Variants in GATAD2A observed in about 807,000 individuals in gnomAD.
The protein encoded by GATAD2A is GATA zinc finger domain containing 2A, also known as transcriptional repressor p66-alpha.
GATAD2A carries 12 observed loss-of-function variants against 68.5 expected under a neutral mutation model. That is an observed-to-expected ratio of 0.18 (90% CI 0.11 to 0.28). GATAD2A has a LOEUF of 0.28. Ranked by LOEUF, GATAD2A falls within the 10% of genes least tolerant of loss-of-function variation. GATAD2A has a pLI of 1.00. For missense variants in GATAD2A, 755 were observed against 868.5 expected (o/e 0.87, Z 1.64); for synonymous variants, 410 against 375.3 (o/e 1.09, Z -1.07).
chr19:19,396,678 C>T (rs1045106413), intron 1 of GATAD2A, among the ~76,000 whole-genome samples: 17 of 152,074 alleles, frequency 1.1e-4, no homozygotes, highest in Admixed American at 9.8e-4. Flanking sequence ...CCACTGTGCG[C>T]GACCTGTTTG....
At chr19:19,430,032 T>C (rs868622828) in intron 1 of GATAD2A, among the ~76,000 whole-genome samples, 7 of 152,214 alleles carry the variant, frequency 4.6e-5, no homozygotes, top group Middle Eastern at 3.4e-3. Context: ...GAGTAGCTCA[T>C]TGGGCAGTTT....
chr19:19,422,786 A>G (rs971284181), intron 1 of GATAD2A, among the ~76,000 whole-genome samples: 3 of 149,640 alleles, frequency 2.0e-5, no homozygotes, highest in Non-Finnish European at 4.4e-5. Context: ...ATCTTGGCTC[A>G]CTGCAAGCTC....
intron 1 of GATAD2A, among the ~76,000 whole-genome samples, chr19:19,448,712 A>C (rs1326753086): frequency 6.6e-6 from 1 of 152,050 alleles, no homozygotes; most frequent in Non-Finnish European, 1.5e-5. Context: ...CTGGTCTTGA[A>C]GTCCTGATCT....
chr19:19,465,102 C>G, intron 1 of GATAD2A: 1 of 583,386 alleles, frequency 1.7e-6, no homozygotes, highest in South Asian at 2.0e-5. Context: ...TGTAGTTTGG[C>G]TCCACCAATG....
chr19:19,474,709 G>A (rs993116133), intron 2 of GATAD2A, among the ~76,000 whole-genome samples: 3 of 152,224 alleles, frequency 2.0e-5, no homozygotes, highest in South Asian at 4.1e-4. Flanking sequence ...TAAACACTCA[G>A]GTTAAACTGC....
At chr19:19,441,898 G>A (rs945415550) in intron 1 of GATAD2A, among the ~76,000 whole-genome samples, 4 of 151,044 alleles carry the variant, frequency 2.6e-5, no homozygotes, top group Admixed American at 6.6e-5. Flanking sequence ...TTTCACTCTT[G>A]TTGCGCAGGC....
At chr19:19,490,956 A>T (rs2059753938) in intron 2 of GATAD2A, among the ~76,000 whole-genome samples, 1 of 152,156 alleles carries the variant, frequency 6.6e-6, no homozygotes, top group South Asian at 2.1e-4. Context: ...CAGCAAATGG[A>T]GCTGCTTGGT....
At chr19:19,485,182 C>T (rs1264067258) in intron 2 of GATAD2A, among the ~76,000 whole-genome samples, 1 of 152,216 alleles carries the variant, frequency 6.6e-6, no homozygotes, top group Admixed American at 6.5e-5. Flanking sequence ...TTCTCTTTCC[C>T]TGCTTTGTCC....
chr19:19,431,586 C>T (rs557547428), intron 1 of GATAD2A, among the ~76,000 whole-genome samples: 308 of 149,396 alleles, frequency 2.1e-3, no homozygotes, highest in Non-Finnish European at 1.6e-3. Flanking sequence ...CCCAGCTGCT[C>T]GGGAGGCTGA....
chr19:19,389,396 G>T (rs186723842), intron 1 of GATAD2A, among the ~76,000 whole-genome samples: 22 of 152,310 alleles, frequency 1.4e-4, no homozygotes, highest in Admixed American at 1.3e-3. Flanking sequence ...CAGTTTGACT[G>T]AGGGCAGTCT....
intron 2 of GATAD2A, among the ~76,000 whole-genome samples, chr19:19,480,369 T>C (rs2058971602): frequency 6.6e-6 from 1 of 152,254 alleles, no homozygotes; most frequent in Non-Finnish European, 1.5e-5. Flanking sequence ...GTTGGGAAGT[T>C]GTTGAGCTCA....
intron 7 of GATAD2A, 152 bp from the exon 8 acceptor site, chr19:19,498,291 C>CT: frequency 3.0e-6 from 2 of 670,904 alleles, no homozygotes; most frequent in Non-Finnish European, 4.9e-6. Flanking sequence ...TTCTGAGAGC[C>CT]TGTTATCATG....
At chr19:19,388,274 C>T (rs2048594887) in intron 1 of GATAD2A, among the ~76,000 whole-genome samples, 1 of 152,074 alleles carries the variant, frequency 6.6e-6, no homozygotes, top group African/African-American at 2.4e-5. Flanking sequence ...TCAGGGTGGT[C>T]TCGAACTCCC....
intron 1 of GATAD2A, among the ~76,000 whole-genome samples, chr19:19,435,629 C>T (rs1161216429): frequency 6.6e-6 from 1 of 152,112 alleles, no homozygotes; most frequent in African/African-American, 2.4e-5. Context: ...GTGGGTGTAT[C>T]GCCTGAGGTC....
chr19:19,451,235 GC>G (rs1326683648), intron 1 of GATAD2A, among the ~76,000 whole-genome samples: 1 of 151,668 alleles, frequency 6.6e-6, no homozygotes, highest in Non-Finnish European at 1.5e-5. Flanking sequence ...AAAAAAATTA[GC>G]CGTTTGTGGT....
At chr19:19,422,373 C>G (rs2052530218) in intron 1 of GATAD2A, among the ~76,000 whole-genome samples, 1 of 152,172 alleles carries the variant, frequency 6.6e-6, no homozygotes, top group African/African-American at 2.4e-5. Context: ...GTTTTTCTCT[C>G]TGCTTGCTCC....
At chr19:19,429,364 AG>A in intron 1 of GATAD2A, 1 of 318,916 alleles carries the variant, frequency 3.1e-6, no homozygotes, top group Non-Finnish European at 4.5e-6. Context: ...TGGCACGGGG[AG>A]TAGGCAGGCG....
intron 2 of GATAD2A, among the ~76,000 whole-genome samples, chr19:19,470,377 G>A (rs914937046): frequency 2.0e-5 from 3 of 151,826 alleles, no homozygotes; most frequent in Admixed American, 6.6e-5. Flanking sequence ...CTCGTGATCC[G>A]CCCGCCTCAC....
intron 1 of GATAD2A, among the ~76,000 whole-genome samples, chr19:19,462,934 C>T (rs2057566572): frequency 6.6e-6 from 1 of 152,146 alleles, no homozygotes; most frequent in South Asian, 2.1e-4. Flanking sequence ...GGGGCCCTGC[C>T]TGGCTGGAAC....
Sources: gnomAD v4.1 joint callset for allele counts (sites outside exome capture counted in the v4.1 genomes callset) on GRCh38, gnomAD v4.1.1 for gene constraint, MANE v1.5 for transcripts, NCBI Gene and HGNC (gene_info 2026-07-23, HGNC 2026-07-21) for gene names.